Variants in XKR9 observed in about 807,000 individuals in gnomAD.
XKR9 encodes XK-related protein 9.
XKR9 carries 32 observed loss-of-function variants against 32.0 expected under a neutral mutation model. The observed-to-expected ratio is 1.00, with a 90% CI of 0.76 to 1.34. XKR9 has a LOEUF of 1.34. Among genes scored for constraint, XKR9 ranks in the 40% most tolerant of loss-of-function variants. The pLI is 0.00. For missense variants in XKR9, 546 were observed against 429.7 expected (o/e 1.27, Z -2.39); for synonymous variants, 168 against 143.4 (o/e 1.17, Z -1.22).
chr8:71,042,405 T>A, the XKR9 span, among the ~76,000 whole-genome samples: 1 of 152,056 alleles, frequency 6.6e-6, no homozygotes, highest in African/African-American at 2.4e-5. Flanking sequence ...AAACTGGGTG[T>A]CCCTGCCAAC....
the XKR9 span, among the ~76,000 whole-genome samples, chr8:70,984,336 T>C: frequency 6.6e-6 from 1 of 152,212 alleles, no homozygotes; most frequent in African/African-American, 2.4e-5. Flanking sequence ...AATGATCACC[T>C]CTGAAGTCTT....
At chr8:70,965,353 T>C in the XKR9 span, among the ~76,000 whole-genome samples, 1 of 152,244 alleles carries the variant, frequency 6.6e-6, no homozygotes, top group Non-Finnish European at 1.5e-5. Flanking sequence ...AATTTGCCAG[T>C]ATTTTATTGA....
At chr8:71,038,832 T>A in the XKR9 span, among the ~76,000 whole-genome samples, 1 of 130,088 alleles carries the variant, frequency 7.7e-6, no homozygotes, top group South Asian at 2.5e-4. Flanking sequence ...TGAGACAGAG[T>A]CTTGTACTGC....
At chr8:70,803,980 G>A in the XKR9 span, among the ~76,000 whole-genome samples, 1 of 152,198 alleles carries the variant, frequency 6.6e-6, no homozygotes, top group Non-Finnish European at 1.5e-5. Flanking sequence ...CACCTTCTGG[G>A]TGTCTCCCAG....
chr8:70,686,281 C>T (rs984080196), intron 3 of XKR9, among the ~76,000 whole-genome samples: 6 of 143,344 alleles, frequency 4.2e-5, no homozygotes, highest in African/African-American at 1.6e-4. Flanking sequence ...CTGTGTTGCT[C>T]AGGCTGGAGT....
chr8:71,053,862 C>G, the XKR9 span, among the ~76,000 whole-genome samples: 8 of 150,248 alleles, frequency 5.3e-5, no homozygotes, highest in Non-Finnish European at 1.2e-4. Flanking sequence ...ATATGCTTCT[C>G]CTCTCTTAGA....
chr8:70,929,859 A>T, the XKR9 span, among the ~76,000 whole-genome samples: 1 of 152,078 alleles, frequency 6.6e-6, no homozygotes, highest in Non-Finnish European at 1.5e-5. Context: ...TTTAAAACCA[A>T]CTCACTTGGG....
At chr8:70,763,141 G>A (rs905206200) in intron 2 of XKR9, among the ~76,000 whole-genome samples, 13 of 151,238 alleles carry the variant, frequency 8.6e-5, no homozygotes, top group East Asian at 3.9e-4. Flanking sequence ...TGAAAAGAGG[G>A]AAAACTGTGG....
chr8:70,972,425 C>CT, the XKR9 span, among the ~76,000 whole-genome samples: 1 of 152,132 alleles, frequency 6.6e-6, no homozygotes, highest in Admixed American at 6.6e-5. Context: ...GATGGTTTGA[C>CT]TTCCTATTTA....
chr8:70,815,509 T>TTTATTTATTTATTTA, the XKR9 span, among the ~76,000 whole-genome samples: 9 of 141,762 alleles, frequency 6.3e-5, no homozygotes, highest in South Asian at 2.3e-4. Flanking sequence ...CATTCCTTTA[T>TTTATTTATTTATTTA]TTTATTTATT....
At chr8:70,969,195 A>T in the XKR9 span, among the ~76,000 whole-genome samples, 1 of 152,238 alleles carries the variant, frequency 6.6e-6, no homozygotes, top group Non-Finnish European at 1.5e-5. Context: ...TAAAGCAAGA[A>T]TTAGCTAAGT....
chr8:70,831,220 G>A, the XKR9 span, among the ~76,000 whole-genome samples: 58 of 150,414 alleles, frequency 3.9e-4, no homozygotes, highest in African/African-American at 1.4e-3. Context: ...GAACCTGGGA[G>A]ACGGAGGTTG....
At chr8:70,906,791 T>C in the XKR9 span, among the ~76,000 whole-genome samples, 1 of 152,350 alleles carries the variant, frequency 6.6e-6, no homozygotes, top group African/African-American at 2.4e-5. Context: ...TCTATGTAAA[T>C]GATGTGTCCT....
intron 3 of XKR9, among the ~76,000 whole-genome samples, chr8:70,697,803 C>A (rs1805342289): frequency 6.6e-6 from 1 of 151,220 alleles, no homozygotes; most frequent in Admixed American, 6.6e-5. Flanking sequence ...GGCTGTGAAT[C>A]CATCTGGTCC....
chr8:71,006,740 T>A, the XKR9 span, among the ~76,000 whole-genome samples: 1 of 152,106 alleles, frequency 6.6e-6, no homozygotes, highest in Non-Finnish European at 1.5e-5. Context: ...AAAACTCAAA[T>A]GTATGATAAA....
At chr8:70,862,190 T>G in the XKR9 span, among the ~76,000 whole-genome samples, 353 of 152,304 alleles carry the variant, frequency 2.3e-3, no homozygotes, top group African/African-American at 8.2e-3. Context: ...ACTGAATATT[T>G]TAGATCAGTC....
At chr8:71,008,507 T>G in the XKR9 span, among the ~76,000 whole-genome samples, 2 of 152,242 alleles carry the variant, frequency 1.3e-5, no homozygotes, top group Non-Finnish European at 2.9e-5. Context: ...AGCATTGGCA[T>G]CTTCTCTGGG....
chr8:70,883,013 A>G, the XKR9 span, among the ~76,000 whole-genome samples: 1 of 151,410 alleles, frequency 6.6e-6, no homozygotes, highest in African/African-American at 2.4e-5. Context: ...TGGGGTAGAG[A>G]TAGTTTTTGG....
At chr8:70,706,331 T>C (rs1805717645) in intron 3 of XKR9, among the ~76,000 whole-genome samples, 1 of 152,114 alleles carries the variant, frequency 6.6e-6, no homozygotes, top group East Asian at 1.9e-4. Flanking sequence ...CTTTGAAGTT[T>C]TATATATTTT....
Sources: gnomAD v4.1 joint callset for allele counts (sites outside exome capture counted in the v4.1 genomes callset) on GRCh38, gnomAD v4.1.1 for gene constraint, MANE v1.5 for transcripts, NCBI Gene and HGNC (gene_info 2026-07-23, HGNC 2026-07-21) for gene names.